The following PIAS4 variants were observed in gnomAD, a reference collection of about 807,000 sequenced individuals.
PIAS4 encodes protein inhibitor of activated STAT 4.
Under a neutral mutation model 58.0 loss-of-function variants are expected in PIAS4, and 7 were observed. The ratio of observed to expected loss-of-function variants is 0.12; its 90% CI spans 0.07 to 0.23. The LOEUF (loss-of-function observed/expected upper bound fraction) is 0.23, where lower values mean the gene tolerates loss of function less well. Among genes scored for constraint, PIAS4 ranks in the 10% least tolerant of loss-of-function variants. PIAS4 has a pLI of 1.00. For synonymous variants in PIAS4, 364 were observed against 312.4 expected, an observed-to-expected ratio of 1.17 and a Z score of -1.74; for missense variants, 550 against 709.5, an observed-to-expected ratio of 0.78 and a Z score of 2.55.
At chr19:4,022,501 G>A (rs1317208291) in intron 2 of PIAS4, among the ~76,000 whole-genome samples, 1 of 151,892 alleles carries the variant, frequency 6.6e-6, no homozygotes, top group East Asian at 1.9e-4. Context: ...CTAGTAGCTG[G>A]GACTGCAGGC....
At chr19:4,011,547 C>T (rs568418206) in intron 1 of PIAS4, among the ~76,000 whole-genome samples, 13 of 152,366 alleles carry the variant, frequency 8.5e-5, no homozygotes, top group Non-Finnish European at 1.3e-4. Flanking sequence ...CCTCATTTGT[C>T]GCTTTGACCC....
chr19:4,019,272 C>T lies in PIAS4; in HGVS notation c.455-4764C>T, dbSNP rs138092782. 4.4e-3 allele frequency among the ~76,000 whole-genome samples: 672 copies of T among 152,294 alleles called. 5 individuals carry two copies. Among genetic ancestry groups the T allele is most frequent in the African/African-American group, 0.015 (636 of 41,556 alleles). The stretch of plus-strand genomic sequence containing the variant: ...CCGGGTGTTTGGGGGGAACCGTCAG[C>T]GGCCCGGGGCCAGTGGCACAGCAGT... On this transcript the variant is annotated intron_variant, in intron 2 of 10. Transcript: ENST00000262971.
At chr19:4,020,038 TCCCGAGTAGCTGGGA>T (rs1273255850) in intron 2 of PIAS4, among the ~76,000 whole-genome samples, 10 of 151,776 alleles carry the variant, frequency 6.6e-5, no homozygotes, top group Non-Finnish European at 2.9e-5. Context: ...TGCCTCAGCC[TCCCGAGTAGCTGGGA>T]CCACAGGCGC....
rs2040021782 is a variant in PIAS4, at chr19:4,013,561, G to T, written c.454+212G>T. 6.6e-6 allele frequency among the ~76,000 whole-genome samples: 1 copy of T among 152,180 alleles called. No individual in the cohort carries two copies. The highest frequency in any genetic ancestry group is 1.5e-5 in the Non-Finnish European group (1 of 68,024). ...GCTGTGTTACAAGTTACCCCGAAAT[G>T]GAGCCACTGGAAGCAGGGGGCGTCT... On this transcript the variant is annotated intron_variant, in intron 2 of 10. Coordinates refer to ENST00000262971, the MANE Select transcript of PIAS4 (RefSeq NM_015897.4). This position sits in a 1 kb window ranked among gnomAD's most constrained non-coding sequence, Gnocchi z 5.1.
At position 4,013,111 on chromosome 19, in the gene PIAS4, G is replaced by T. The variant is rs1599215263; in HGVS notation, c.216G>T (p.Glu72Asp). The change falls in exon 2 of 11, where the codon GAG (glutamate) becomes GAT (aspartate). Residue 72 changes from glutamate to aspartate, a missense_variant. Around this residue, in one of 4 missense-constraint regions of PIAS4, gnomAD observed 95 missense variants for 87.5 expected, o/e 1.09. Transcript: ENST00000262971. This position sits in a 1 kb window ranked among gnomAD's most constrained non-coding sequence, Gnocchi z 5.1. ...YETRYAKKNS[E>D]PAPQPHRPLD... ...CCCGCTACGCCAAGAAGAACTCGGAGCCTGCCCCACAGCCGCACCGGCCCC... is the reference window on the plus strand; with the variant it reads ...CCCGCTACGCCAAGAAGAACTCGGATCCTGCCCCACAGCCGCACCGGCCCC... The T allele has an allele frequency of 6.2e-7, 1 of 1,613,364 alleles. No homozygotes were observed. The highest frequency in any genetic ancestry group is 8.5e-7 in the Non-Finnish European group (1 of 1,180,006).
chr19:4,021,130 A>G (rs1316305958), intron 2 of PIAS4, among the ~76,000 whole-genome samples: 2 of 152,144 alleles, frequency 1.3e-5, no homozygotes, highest in Non-Finnish European at 2.9e-5. Flanking sequence ...GTGGGTGTGT[A>G]GAGAGGTATT....
chr19:4,033,528 A>G lies in PIAS4; in HGVS notation c.1090A>G (p.Met364Val), dbSNP rs182911350. The stretch of plus-strand genomic sequence containing the variant: ...GATGAACGAGAAGAAGCCCACCTGG[A>G]TGTGCCCCGTGTGCGACAAGCCAGC... Reference protein sequence around the residue: ...LQMNEKKPTWMCPVCDKPAPY... With the variant: ...LQMNEKKPTWVCPVCDKPAPY... Residue 364 changes from methionine (M) to valine (V), a missense_variant, in exon 9 of 11, where the codon ATG becomes GTG. By Grantham distance (21) the Met-to-Val change is conservative (BLOSUM62 1). This residue lies in a region of PIAS4 where 225 missense variants were observed against 345.8 expected (regional missense o/e 0.65). Coordinates refer to ENST00000262971, the MANE Select transcript of PIAS4 (RefSeq NM_015897.4). 53 of 1,607,592 alleles carry G rather than the reference A, an allele frequency of 3.3e-5. No individual in the cohort carries two copies. In the Admixed American group the frequency reaches 6.9e-4, roughly 21 times the overall value.
chr19:4,015,086 C>T (rs1007844770), intron 2 of PIAS4, among the ~76,000 whole-genome samples: 1 of 152,232 alleles, frequency 6.6e-6, no homozygotes, highest in Non-Finnish European at 1.5e-5. Context: ...CCCAGTGGCA[C>T]CTGTCCTGGG....
intron 2 of PIAS4, 42 bp from the exon 3 acceptor site, chr19:4,023,994 G>T (rs200823953): frequency 1.5e-5 from 21 of 1,405,370 alleles, no homozygotes; most frequent in Non-Finnish European, 2.0e-5. Context: ...CGGGGGACCT[G>T]CCAGGGACCA....
At chr19:4,035,953 A>T (rs2040274566) in intron 9 of PIAS4, among the ~76,000 whole-genome samples, 1 of 81,840 alleles carries the variant, frequency 1.2e-5, no homozygotes, top group African/African-American at 3.5e-5. Flanking sequence ...CCACACCATA[A>T]CACACACATA....
At chr19:4,022,568 G>C (rs113744051) in intron 2 of PIAS4, among the ~76,000 whole-genome samples, 1 of 151,520 alleles carries the variant, frequency 6.6e-6, no homozygotes, top group African/African-American at 2.4e-5. Context: ...GGGTTTCACC[G>C]TGTTAGCCAG....
chr19:4,033,293 C>T lies in PIAS4; in HGVS notation c.981+120C>T, dbSNP rs147480163. The T allele has an allele frequency of 1.8e-3, 2,424 of 1,331,218 alleles. 9 individuals are homozygous for T. Among genetic ancestry groups the T allele is most frequent in the Non-Finnish European group, 2.4e-3 (2,275 of 966,144 alleles). The allele number at this position is 1,331,218 out of a possible 1,614,324, so 82.5% of individuals were successfully genotyped here. A position where few individuals can be genotyped will look rare whatever the true frequency, so the allele number is the denominator to read the frequency against. ...AGCCTGCGGGGGCGAGGCTGGTCTT[C>T]GTCCCCTCCGTGTTCCTGAGGCATG... On this transcript the variant is annotated intron_variant, in intron 8 of 10. Coordinates refer to ENST00000262971, the MANE Select transcript of PIAS4 (RefSeq NM_015897.4).
In PIAS4 at chr19:4,038,038, C is replaced by G; in HGVS notation, c.*163C>G. On this transcript the variant is annotated 3_prime_UTR_variant, in exon 11 of 11. Transcript: ENST00000262971. The surrounding 1 kb of genome is among the most constrained non-coding windows in gnomAD (Gnocchi z 4.1). ...CTGGCACCTGTACCTCTGGACTCTC[C>G]TATCGGGGGATTAAAAAAAAAAGTA... The G allele has an allele frequency of 1.8e-6, 1 of 556,166 alleles. No individual in the cohort carries two copies. Among genetic ancestry groups the G allele is most frequent in the South Asian group, 3.0e-5 (1 of 33,010 alleles). The allele number at this position is 556,166 out of a possible 1,614,324, so 34.5% of individuals were successfully genotyped here. A position where few individuals can be genotyped will look rare whatever the true frequency, so the allele number is the denominator to read the frequency against.
chr19:4,016,309 G>A (rs893781976), intron 2 of PIAS4, among the ~76,000 whole-genome samples: 1 of 152,260 alleles, frequency 6.6e-6, no homozygotes, highest in Non-Finnish European at 1.5e-5. Flanking sequence ...CCCGCAGCGG[G>A]CACCCCGAGG....
intron 2 of PIAS4, among the ~76,000 whole-genome samples, chr19:4,020,836 A>G (rs967524856): frequency 2.0e-5 from 3 of 152,210 alleles, no homozygotes; most frequent in African/African-American, 4.8e-5. Flanking sequence ...CCTGTGCTAC[A>G]GCGATCCTCC....
intron 3 of PIAS4, among the ~76,000 whole-genome samples, chr19:4,026,206 C>T (rs866121113): frequency 1.4e-5 from 2 of 145,350 alleles, no homozygotes; most frequent in Non-Finnish European, 3.0e-5. Flanking sequence ...GATGTCGGCT[C>T]ACTGCAACTT....
chr19:4,038,182 T>C lies in PIAS4; in HGVS notation c.*307T>C, dbSNP rs1312086471. 1 of 337,430 alleles carries C rather than the reference T, an allele frequency of 3.0e-6. No individual in the cohort carries two copies. The highest frequency in any genetic ancestry group is 5.5e-6 in the Non-Finnish European group (1 of 183,056). 20.9% of individuals were successfully genotyped at this position (337,430 alleles called of 1,614,324 possible). A position where few individuals can be genotyped will look rare whatever the true frequency, so the allele number is the denominator to read the frequency against. On this transcript the variant is annotated 3_prime_UTR_variant, in exon 11 of 11. Coordinates refer to ENST00000262971, the MANE Select transcript of PIAS4 (RefSeq NM_015897.4). The surrounding 1 kb of genome is among the most constrained non-coding windows in gnomAD (Gnocchi z 4.1). Reference sequence around the variant, plus strand: ...TGGAGTCCGAGCCGGGAAGGGGTAGTGGGCGGGAGGGACCAGGACGCCGCC... The same window carrying C: ...TGGAGTCCGAGCCGGGAAGGGGTAGCGGGCGGGAGGGACCAGGACGCCGCC...
At chr19:4,026,451 T>C (rs2144926629) in intron 3 of PIAS4, among the ~76,000 whole-genome samples, 1 of 151,606 alleles carries the variant, frequency 6.6e-6, no homozygotes, top group South Asian at 2.1e-4. Flanking sequence ...TTTTCTTATG[T>C]CGAGATATGA....
intron 9 of PIAS4, among the ~76,000 whole-genome samples, chr19:4,034,422 C>T (rs2040255282): frequency 1.3e-5 from 2 of 152,198 alleles, no homozygotes; most frequent in South Asian, 2.1e-4. Context: ...GACCTGTGAG[C>T]GTCCTCAGTT....
Sources: allele counts gnomAD v4.1 joint callset (sites outside exome capture counted in the v4.1 genomes callset), GRCh38; gene constraint gnomAD v4.1.1; regional missense constraint gnomAD v4.1.1; non-coding constraint Gnocchi (gnomAD v3.1); transcripts MANE v1.5; gene names NCBI Gene and HGNC (gene_info 2026-07-23, HGNC 2026-07-21).